The following LUC7L variants were observed in gnomAD, a reference collection of about 807,000 sequenced individuals.
LUC7L encodes the protein LUC7 like, also known as putative RNA-binding protein Luc7-like 1.
In LUC7L, 29 loss-of-function variants were observed where a neutral mutation model predicts 51.1. The ratio of observed to expected loss-of-function variants is 0.57; its 90% CI spans 0.42 to 0.77. LUC7L has a LOEUF of 0.77. LUC7L is among the 30% of genes least tolerant of loss of function. LUC7L has a pLI of 0.00. For synonymous variants in LUC7L, 181 were observed against 180.7 expected (o/e 1.00, Z -0.01); for missense variants, 403 against 511.9 (o/e 0.79, Z 2.05).
At chr16:217,445 G>C (rs777552753) in intron 3 of LUC7L, among the ~76,000 whole-genome samples, 1 of 152,016 alleles carries the variant, frequency 6.6e-6, no homozygotes, top group Non-Finnish European at 1.5e-5. Flanking sequence ...AGTGGCTCAC[G>C]CCTGTAATCT....
At chr16:225,760 C>A (rs2050114512) in intron 2 of LUC7L, among the ~76,000 whole-genome samples, 1 of 151,074 alleles carries the variant, frequency 6.6e-6, no homozygotes, top group African/African-American at 2.4e-5. Context: ...ACTGGGATTA[C>A]AGGCGTGAGC....
chr16:221,186 A>ATTTTTTTTTTTTTTT (rs372906826), intron 2 of LUC7L, among the ~76,000 whole-genome samples: 24 of 101,244 alleles, frequency 2.4e-4, no homozygotes, highest in East Asian at 6.8e-4. Flanking sequence ...CACCCAGCTA[A>ATTTTTTTTTTTTTTT]TTTTTTTTTT....
rs2049199924 is a variant in LUC7L, at chr16:197,891, G to A, written c.687+1171C>T. ...ATCCTGAGGTCCTAGTATGCGGTAA[G>A]GGGGGCTCCATCAGTGTGAAGGGAG... On this transcript the variant is annotated intron_variant, in intron 6 of 9. Coordinates refer to ENST00000293872, the MANE Select transcript of LUC7L (RefSeq NM_201412.3). Among the ~76,000 whole-genome samples the A allele has an allele frequency of 2.0e-5, 3 of 152,160 alleles. No individual in the cohort carries two copies. The South Asian group carries it at 6.2e-4, about 32-fold the overall frequency.
At chr16:201,229 T>C (rs2049316101) in intron 5 of LUC7L, among the ~76,000 whole-genome samples, 1 of 101,976 alleles carries the variant, frequency 9.8e-6, no homozygotes, top group East Asian at 2.9e-4. Context: ...TCCATTATAG[T>C]ATGCTACATA....
At chr16:205,926 T>C (rs565708859) in intron 5 of LUC7L, 78 bp downstream of exon 5, 167 of 1,507,310 alleles carry the variant, frequency 1.1e-4, no homozygotes, top group Non-Finnish European at 1.3e-4. Flanking sequence ...GGAGCAAGCA[T>C]GGGCTCAATT....
At chr16:189,900 G>T (rs1200431565) in intron 9 of LUC7L, 68 bp downstream of exon 9, 1 of 1,557,822 alleles carries the variant, frequency 6.4e-7, no homozygotes, top group Non-Finnish European at 8.7e-7. Flanking sequence ...ACGGCCCTCA[G>T]CAGACCCTGG....
At chr16:211,057 A>C (rs2049626198) in intron 3 of LUC7L, among the ~76,000 whole-genome samples, 1 of 148,304 alleles carries the variant, frequency 6.7e-6, no homozygotes, top group African/African-American at 2.5e-5. Flanking sequence ...CGTCTCAAAA[A>C]AAAAAAAAGA....
At chr16:193,514 T>C (rs998458951) in intron 6 of LUC7L, among the ~76,000 whole-genome samples, 5 of 151,856 alleles carry the variant, frequency 3.3e-5, no homozygotes, top group Admixed American at 6.6e-5. Context: ...CATTACATTT[T>C]TTTTTCCTGA....
chr16:228,460 G>C, intron 1 of LUC7L: 1 of 1,250,636 alleles, frequency 8.0e-7, no homozygotes, highest in South Asian at 1.4e-5. Flanking sequence ...TAAAAATATG[G>C]GAAGCAATTC....
chr16:225,559 T>A (rs1212807236), intron 2 of LUC7L, among the ~76,000 whole-genome samples: 3 of 140,260 alleles, frequency 2.1e-5, no homozygotes, highest in African/African-American at 7.9e-5. Flanking sequence ...CGATCTCGGC[T>A]CACCACAACC....
In LUC7L at chr16:189,048, C is replaced by T. The variant is rs997935527; in HGVS notation, c.*150G>A. The T allele has an allele frequency of 4.7e-6, 4 of 845,176 alleles. No homozygotes were observed. Among genetic ancestry groups the T allele is most frequent in the Non-Finnish European group, 7.3e-6 (4 of 545,746 alleles). The allele number at this position is 845,176 out of a possible 1,614,324, so 52.4% of individuals were successfully genotyped here. On this transcript the variant is annotated 3_prime_UTR_variant, in exon 10 of 10. Coordinates refer to ENST00000293872, the MANE Select transcript of LUC7L (RefSeq NM_201412.3). ...TCAACATGACCCGGGAACACAGGAGCAACTCTGTACACTTCTAGAAACTCA... is the reference window on the plus strand; with the variant it reads ...TCAACATGACCCGGGAACACAGGAGTAACTCTGTACACTTCTAGAAACTCA...
intron 5 of LUC7L, among the ~76,000 whole-genome samples, chr16:202,321 CA>C (rs2049357396): frequency 6.6e-6 from 1 of 152,132 alleles, no homozygotes; most frequent in Non-Finnish European, 1.5e-5. Flanking sequence ...CCAGGGAGGG[CA>C]CCAAGCCATT....
chr16:213,430 C>T (rs906678907), intron 3 of LUC7L, among the ~76,000 whole-genome samples: 1 of 151,906 alleles, frequency 6.6e-6, no homozygotes, highest in South Asian at 2.1e-4. Context: ...GACACAGCGT[C>T]ATCTTGTCAC....
chr16:222,438 G>C (rs1488929521), intron 2 of LUC7L, among the ~76,000 whole-genome samples: 1 of 151,740 alleles, frequency 6.6e-6, no homozygotes, highest in Non-Finnish European at 1.5e-5. Context: ...AGGAGTTTGA[G>C]ACCAGCCTGG....
chr16:222,110 C>T (rs747270102), intron 2 of LUC7L, among the ~76,000 whole-genome samples: 1 of 152,070 alleles, frequency 6.6e-6, no homozygotes, highest in Non-Finnish European at 1.5e-5. Context: ...ATTATGTGTA[C>T]CATATGCAGT....
chr16:229,389 G>A lies in LUC7L; in HGVS notation c.-50C>T. On this transcript the variant is annotated 5_prime_UTR_variant, in exon 1 of 10. Coordinates refer to ENST00000293872, the MANE Select transcript of LUC7L (RefSeq NM_201412.3). ...CGGCCGCGACGACTTCTCTCAGGCA[G>A]GCGGTGGCAGCGGCGTCGACAAACG... 3 of 1,432,372 alleles carry A rather than the reference G, an allele frequency of 2.1e-6. No individual in the cohort carries two copies. The highest frequency in any genetic ancestry group is 2.7e-5 in the South Asian group (2 of 74,072). 88.7% of individuals were successfully genotyped at this position (1,432,372 alleles called of 1,614,324 possible).
chr16:202,881 C>A (rs1189888562), intron 5 of LUC7L, among the ~76,000 whole-genome samples: 1 of 152,220 alleles, frequency 6.6e-6, no homozygotes, highest in Non-Finnish European at 1.5e-5. Flanking sequence ...GGAGCAGTGG[C>A]TCACGCCTGT....
chr16:216,032 G>A (rs1187000816), intron 3 of LUC7L, among the ~76,000 whole-genome samples: 3 of 151,642 alleles, frequency 2.0e-5, no homozygotes, highest in Admixed American at 6.6e-5. Context: ...ATGGGATTTC[G>A]CTCTTGTTGC....
chr16:189,748 C>A, intron 9 of LUC7L: 1 of 1,390,972 alleles, frequency 7.2e-7, no homozygotes, highest in African/African-American at 1.4e-5. Context: ...AGGACGCAGG[C>A]AGGGGACAGT....
Sources: allele counts gnomAD v4.1 joint callset (sites outside exome capture counted in the v4.1 genomes callset), GRCh38; gene constraint gnomAD v4.1.1; transcripts MANE v1.5; gene names NCBI Gene and HGNC (gene_info 2026-07-23, HGNC 2026-07-21).